The following RAPGEF4 variants were observed in gnomAD, a reference collection of about 807,000 sequenced individuals.
RAPGEF4 encodes the protein Rap guanine nucleotide exchange factor 4, also known as RAP guanine-nucleotide-exchange factor (GEF) 4.
In RAPGEF4, 66 loss-of-function variants were observed where a neutral mutation model predicts 147.9. That is an observed-to-expected ratio of 0.45 (90% confidence interval 0.37 to 0.55). The LOEUF (loss-of-function observed/expected upper bound fraction) is 0.55. Among genes scored for constraint, RAPGEF4 ranks in the 20% least tolerant of loss-of-function variants. The pLI, the probability that RAPGEF4 is intolerant of heterozygous loss-of-function variation, is 0.00. For synonymous variants in RAPGEF4, 419 were observed against 442.7 expected (o/e 0.95, Z 0.67); for missense variants, 1,071 against 1,257.3 (o/e 0.85, Z 2.24).
At chr2:172,933,846 A>G (rs543561335) in intron 6 of RAPGEF4, among the ~76,000 whole-genome samples, 83 of 152,348 alleles carry the variant, frequency 5.4e-4, no homozygotes, top group African/African-American at 2.0e-3. Context: ...TATTTAATAG[A>G]CATCCTCAGG....
chr2:172,737,432 G>C (rs1423709979), intron 1 of RAPGEF4, among the ~76,000 whole-genome samples: 1 of 142,216 alleles, frequency 7.0e-6, no homozygotes, highest in East Asian at 2.0e-4. Context: ...AAATAGTAGT[G>C]CTTCCTTATG....
intron 4 of RAPGEF4, among the ~76,000 whole-genome samples, chr2:172,887,752 C>T (rs532379770): frequency 6.6e-6 from 1 of 152,052 alleles, no homozygotes; most frequent in Admixed American, 6.6e-5. Context: ...GCTTGCCGAA[C>T]CTTTTCGTGC....
In RAPGEF4 at chr2:172,735,867, T is replaced by A. The variant is rs1400904371; in HGVS notation, c.-117T>A. ...GGCGGGCCTGTCGCAGCCGCGCTGGTCGCCAGGCGTCCGGGAGGAGCGGGG... is the reference window on the plus strand; with the variant it reads ...GGCGGGCCTGTCGCAGCCGCGCTGGACGCCAGGCGTCCGGGAGGAGCGGGG... On this transcript the variant is annotated 5_prime_UTR_variant, in exon 1 of 31. Transcript: ENST00000397081. The A allele has an allele frequency of 2.3e-6, 2 of 878,316 alleles. No homozygotes were observed. Among genetic ancestry groups the A allele is most frequent in the South Asian group, 7.8e-5 (2 of 25,606 alleles). The allele number at this position is 878,316 out of a possible 1,614,324, so 54.4% of individuals were successfully genotyped here. A position where few individuals can be genotyped will look rare whatever the true frequency, so the allele number is the denominator to read the frequency against.
intron 4 of RAPGEF4, among the ~76,000 whole-genome samples, chr2:172,828,618 G>A (rs1437644072): frequency 6.6e-6 from 1 of 152,146 alleles, no homozygotes; most frequent in Non-Finnish European, 1.5e-5. Context: ...AACTCTTGGT[G>A]AAAGTCTTGC....
intron 5 of RAPGEF4, among the ~76,000 whole-genome samples, chr2:172,920,080 T>A (rs1171477837): frequency 6.6e-6 from 1 of 152,124 alleles, no homozygotes; most frequent in East Asian, 1.9e-4. Context: ...TTTTTACTTT[T>A]TATTATGAAA....
chr2:172,753,653 T>A (rs1040754092), intron 1 of RAPGEF4, among the ~76,000 whole-genome samples: 2 of 151,934 alleles, frequency 1.3e-5, no homozygotes, highest in East Asian at 1.9e-4. Context: ...ACTGAAAAAA[T>A]TTAGAAAATA....
At chr2:172,931,926 G>A (rs976400866) in intron 6 of RAPGEF4, among the ~76,000 whole-genome samples, 4 of 152,046 alleles carry the variant, frequency 2.6e-5, no homozygotes, top group African/African-American at 7.2e-5. Flanking sequence ...AACTGAAACA[G>A]GTAATGCTTC....
chr2:172,781,828 A>G (rs1310951735), intron 1 of RAPGEF4, among the ~76,000 whole-genome samples: 1 of 152,214 alleles, frequency 6.6e-6, no homozygotes, highest in Non-Finnish European at 1.5e-5. Context: ...AACAGGATGC[A>G]AATAGTTGTT....
chr2:172,865,570 G>A (rs1230525515), intron 4 of RAPGEF4, among the ~76,000 whole-genome samples: 3 of 152,064 alleles, frequency 2.0e-5, no homozygotes, highest in Admixed American at 2.0e-4. Flanking sequence ...GCTCCTCCTG[G>A]TGGCAGTTCG....
At chr2:172,907,823 A>C (rs1191010414) in intron 4 of RAPGEF4, among the ~76,000 whole-genome samples, 2 of 152,158 alleles carry the variant, frequency 1.3e-5, no homozygotes, top group African/African-American at 4.8e-5. Flanking sequence ...TACCATTATT[A>C]TTATTATTAC....
At chr2:172,966,149 T>C (rs1455724880) in intron 9 of RAPGEF4, among the ~76,000 whole-genome samples, 1 of 152,180 alleles carries the variant, frequency 6.6e-6, no homozygotes, top group Admixed American at 6.5e-5. Flanking sequence ...GATGACCATA[T>C]TTAAAATCAA....
chr2:172,784,841 T>G (rs75818608), intron 1 of RAPGEF4, among the ~76,000 whole-genome samples: 2 of 152,104 alleles, frequency 1.3e-5, no homozygotes, highest in Admixed American at 6.6e-5. Flanking sequence ...TTTTTTTTTT[T>G]TGTGACGGAG....
chr2:172,884,185 C>T (rs1696931770), intron 4 of RAPGEF4, among the ~76,000 whole-genome samples: 1 of 152,216 alleles, frequency 6.6e-6, no homozygotes, highest in Non-Finnish European at 1.5e-5. Context: ...TGAGGTAGTT[C>T]CTTGCTGGGA....
At chr2:172,966,031 G>A (rs943199130) in intron 9 of RAPGEF4, among the ~76,000 whole-genome samples, 2 of 152,210 alleles carry the variant, frequency 1.3e-5, no homozygotes, top group Non-Finnish European at 2.9e-5. Context: ...GCAGAATGAA[G>A]AGCAGTGAAG....
chr2:172,858,873 T>G (rs891249406), intron 4 of RAPGEF4, among the ~76,000 whole-genome samples: 6 of 152,138 alleles, frequency 3.9e-5, no homozygotes, highest in South Asian at 2.1e-4. Context: ...AGCATAAAGT[T>G]TGAGATTGCC....
chr2:172,878,606 G>A lies in RAPGEF4; in HGVS notation c.445-39196G>A, dbSNP rs188369195. ...GCCATCAGAACTTTATTCTTTTGGA[G>A]AATGAAGGCAGGTAAAGTAGACAGA... On this transcript the variant is annotated intron_variant, in intron 4 of 30. Coordinates refer to ENST00000397081, the MANE Select transcript of RAPGEF4 (RefSeq NM_007023.4). Among the ~76,000 whole-genome samples, 6 of 152,272 alleles carry A rather than the reference G, an allele frequency of 3.9e-5. No individual in the cohort carries two copies. In the East Asian group the frequency reaches 1.2e-3, roughly 29 times the overall value.
At chr2:172,925,584 CTG>C (rs1277823280) in intron 6 of RAPGEF4, among the ~76,000 whole-genome samples, 1 of 57,718 alleles carries the variant, frequency 1.7e-5, no homozygotes, top group Non-Finnish European at 3.7e-5. Context: ...GAGACTCTGT[CTG>C]TACACACACA....
In RAPGEF4 at chr2:173,026,610, A is replaced by G. The variant is rs1207879066; in HGVS notation, c.2292A>G (p.Thr764=). 2 of 1,613,852 alleles carry G rather than the reference A, an allele frequency of 1.2e-6. No homozygotes were observed. Among genetic ancestry groups the G allele is most frequent in the Non-Finnish European group, 1.7e-6 (2 of 1,179,856 alleles). ...AACAGGAAGGCCCAACTGTTGGAACAGTGGGAACTTTTGAACTGATGAGCT... is the reference window on the plus strand; with the variant it reads ...AACAGGAAGGCCCAACTGTTGGAACGGTGGGAACTTTTGAACTGATGAGCT... ...LPEQEGPTVG[T]VGTFELMSSK... is the part of the protein sequence containing the mutation. Residue 764 remains threonine, a synonymous_variant, in exon 24 of 31, where the codon ACA becomes ACG. Coordinates refer to ENST00000397081, the MANE Select transcript of RAPGEF4 (RefSeq NM_007023.4).
chr2:172,879,738 G>A lies in RAPGEF4; in HGVS notation c.445-38064G>A, dbSNP rs539956667. 2.1e-4 allele frequency among the ~76,000 whole-genome samples: 32 copies of A among 152,246 alleles called. 1 individual carries two copies. The South Asian group carries it at 6.6e-3, about 32-fold the overall frequency. On this transcript the variant is annotated intron_variant, in intron 4 of 30. Coordinates refer to ENST00000397081, the MANE Select transcript of RAPGEF4 (RefSeq NM_007023.4). The stretch of plus-strand genomic sequence containing the variant: ...GATCACTTGAACCTAGAAGGTCAAG[G>A]CTGCAGTGAGCCGTGATCATACCAC...
Sources: allele counts gnomAD v4.1 joint callset (sites outside exome capture counted in the v4.1 genomes callset), GRCh38; gene constraint gnomAD v4.1.1; transcripts MANE v1.5; gene names NCBI Gene and HGNC (gene_info 2026-07-23, HGNC 2026-07-21).